FBXO48: variants seen among roughly 807,000 people sequenced by gnomAD.
FBXO48 encodes F-box only protein 48.
In FBXO48, 12 loss-of-function variants were observed where a neutral mutation model predicts 14.3. The observed-to-expected ratio is 0.84, with a 90% confidence interval of 0.54 to 1.36. The LOEUF is 1.36. Ranked by LOEUF, FBXO48 falls within the 40% of genes most tolerant of loss-of-function variation. The probability of loss-of-function intolerance (pLI) is 0.00; values close to 1 mark genes in which losing one functional copy is unlikely to be tolerated. For missense variants in FBXO48, 177 were observed against 179.1 expected (o/e 0.99, Z 0.07); for synonymous variants, 53 against 61.7 (o/e 0.86, Z 0.66).
chr2:68,464,615 GA>G (rs1458575035), intron 3 of FBXO48, among the ~76,000 whole-genome samples: 2 of 152,116 alleles, frequency 1.3e-5, no homozygotes, highest in Non-Finnish European at 2.9e-5. Context: ...GAAAATTCCC[GA>G]ATTTAGAATT....
Position 68,464,996 on chromosome 2 carries a change from C to T in FBXO48, c.150G>A (p.Leu50=), listed in dbSNP as rs371559792. The stretch of plus-strand genomic sequence containing the variant: ...AAGCCCTGCACAGACTCCGAATGTC[C>T]AGCTGACTGAAAATTTTAAAAGTGA... The part of the protein sequence containing the change: ...AEITFKIFSQ[L]DIRSLCRASL... The change falls in exon 3 of 4, where the codon CTG becomes CTA. Residue 50 remains leucine (L), a synonymous_variant. Coordinates refer to ENST00000377957, the MANE Select transcript of FBXO48 (RefSeq NM_001024680.3). 6.2e-7 allele frequency: 1 copy of T among 1,614,008 alleles called. No individual in the cohort carries two copies. The highest frequency in any genetic ancestry group is 8.5e-7 in the Non-Finnish European group (1 of 1,180,036).
chr2:68,464,989 G>A lies in FBXO48; in HGVS notation c.157C>T (p.Arg53Trp), dbSNP rs150942426. The A allele has an allele frequency of 9.9e-6, 16 of 1,613,780 alleles. No homozygotes were observed. Among genetic ancestry groups the A allele is most frequent in the Admixed American group, 1.7e-5 (1 of 60,006 alleles). The change falls in exon 3 of 4, where the codon CGG becomes TGG. Residue 53 changes from arginine to tryptophan, a missense_variant. By Grantham distance (101) the Arg-to-Trp change is moderately radical (BLOSUM62 -3). Coordinates refer to ENST00000377957, the MANE Select transcript of FBXO48 (RefSeq NM_001024680.3). ...GTCAATGAAGCCCTGCACAGACTCC[G>A]AATGTCCAGCTGACTGAAAATTTTA... is the stretch of plus-strand genomic sequence containing the variant. ...TFKIFSQLDI[R>W]SLCRASLTCR...
At position 68,463,174 on chromosome 2, in the gene FBXO48, A is replaced by G. The variant is rs1675310950; in HGVS notation, c.*1035T>C. The G allele has an allele frequency of 6.6e-6, 1 of 152,150 alleles. No individual in the cohort carries two copies. Among genetic ancestry groups the G allele is most frequent in the African/African-American group, 2.4e-5 (1 of 41,420 alleles). The allele number at this position is 152,150 out of a possible 1,614,324, so 9.4% of individuals were successfully genotyped here. A position where few individuals can be genotyped will look rare whatever the true frequency, so the allele number is the denominator to read the frequency against. ...TTCCTGGATTCTTATATTTAATGCT[A>G]TAGAGAACAGTTTTTAAGAAGAAAA... is the stretch of plus-strand genomic sequence containing the variant. On this transcript the variant is annotated 3_prime_UTR_variant, in exon 4 of 4. Transcript: ENST00000377957.
rs762821956 is a variant in FBXO48 at position 68,464,941 on chromosome 2, T to C, written c.205A>G (p.Ile69Val). Residue 69 changes from isoleucine to valine, a missense_variant, in exon 3 of 4, where the codon ATA becomes GTA. Transcript: ENST00000377957. ...SLTCRSWNDT[I>V]RNSDSLWKPH... is the part of the protein sequence containing the mutation. The stretch of plus-strand genomic sequence containing the variant: ...TTCCATAAAGAGTCACTGTTTCTTA[T>C]TGTGTCATTCCAGCTCCTGCATGTC... The C allele has an allele frequency of 2.5e-6, 4 of 1,614,040 alleles. No homozygotes were observed. The highest frequency in any genetic ancestry group is 1.6e-4 in the Middle Eastern group (1 of 6,062).
In FBXO48 at chr2:68,461,345, G is replaced by A. The variant is rs971485162; in HGVS notation, c.*2864C>T. On this transcript the variant is annotated 3_prime_UTR_variant, in exon 4 of 4. Coordinates refer to ENST00000377957, the MANE Select transcript of FBXO48 (RefSeq NM_001024680.3). The stretch of plus-strand genomic sequence containing the variant: ...CGCTCTGTCGCCCAGGCCGGACTGC[G>A]GACTGCAGTGGCGCAATCTCGGCTC... 1.4e-5 allele frequency: 2 copies of A among 142,502 alleles called. No homozygotes were observed. Among genetic ancestry groups the A allele is most frequent in the Admixed American group, 7.0e-5 (1 of 14,278 alleles). 8.8% of individuals were successfully genotyped at this position (142,502 alleles called of 1,614,324 possible). A position where few individuals can be genotyped will look rare whatever the true frequency, so the allele number is the denominator to read the frequency against.
chr2:68,464,426 T>C (rs1675344336), intron 3 of FBXO48, 56 bp from the exon 4 acceptor site: 4 of 1,536,824 alleles, frequency 2.6e-6, no homozygotes, highest in Non-Finnish European at 3.6e-6. Context: ...GGTTAGTGAA[T>C]GTGTTTAAAG....
chr2:68,467,048 G>C (rs890836924), intron 1 of FBXO48, among the ~76,000 whole-genome samples, 163 bp downstream of exon 1: 1 of 152,160 alleles, frequency 6.6e-6, no homozygotes, highest in East Asian at 1.9e-4. Context: ...GGTTGCAGCT[G>C]CTGGAACCCA....
intron 1 of FBXO48, 25 bp downstream of exon 1, chr2:68,467,186 G>C (rs1249199753): frequency 2.0e-5 from 3 of 152,278 alleles, no homozygotes; most frequent in Admixed American, 1.3e-4. Context: ...CTAAGCCAAC[G>C]GGAACGGAAG....
intron 2 of FBXO48, among the ~76,000 whole-genome samples, chr2:68,465,909 G>A (rs1675397273): frequency 6.6e-6 from 1 of 152,228 alleles, no homozygotes; most frequent in African/African-American, 2.4e-5. Flanking sequence ...TGGACAAGAA[G>A]ATGAGATCTG....
Position 68,464,226 on chromosome 2 carries a change from C to T in FBXO48, c.451G>A (p.Ala151Thr). ...TTTTCCCCTTATCTTTCCAGTTCTG[C>T]TTCTAGAATTTCCCCCCATGTATCT... is the stretch of plus-strand genomic sequence containing the variant. ...DADTWGEILE[A>T]ELER The change falls in exon 4 of 4, where the codon GCA (alanine) becomes ACA (threonine). Residue 151 changes from alanine (A) to threonine (T), a missense_variant. By Grantham distance (58) the Ala-to-Thr change is moderately conservative (BLOSUM62 0). Transcript: ENST00000377957. The T allele has an allele frequency of 6.2e-7, 1 of 1,613,622 alleles. No homozygotes were observed. Among genetic ancestry groups the T allele is most frequent in the Non-Finnish European group, 8.5e-7 (1 of 1,179,848 alleles).
chr2:68,464,814 C>T, intron 3 of FBXO48, 26 bp downstream of exon 3: 1 of 1,559,186 alleles, frequency 6.4e-7, no homozygotes, highest in Non-Finnish European at 8.8e-7. Flanking sequence ...GTCAACAACA[C>T]TGCAGATCGC....
At chr2:68,464,813 A>G (rs1558520899) in intron 3 of FBXO48, 27 bp downstream of exon 3, 4 of 1,554,156 alleles carry the variant, frequency 2.6e-6, no homozygotes, top group Non-Finnish European at 2.6e-6. Flanking sequence ...TGTCAACAAC[A>G]CTGCAGATCG....
chr2:68,463,345 G>A lies in FBXO48; in HGVS notation c.*864C>T, dbSNP rs985769985. The A allele has an allele frequency of 2.0e-5, 3 of 152,026 alleles. No individual in the cohort carries two copies. Among genetic ancestry groups the A allele is most frequent in the African/African-American group, 7.2e-5 (3 of 41,496 alleles). 9.4% of individuals were successfully genotyped at this position (152,026 alleles called of 1,614,324 possible). On this transcript the variant is annotated 3_prime_UTR_variant, in exon 4 of 4. Coordinates refer to ENST00000377957, the MANE Select transcript of FBXO48 (RefSeq NM_001024680.3). ...AAAAGTTTTTAAAAGTTAAAATAAA[G>A]GTTCCTAAAAAGTTATAAACTTTAA...
chr2:68,465,246 C>T (rs1675371861), intron 2 of FBXO48, 68 bp from the exon 3 acceptor site: 1 of 783,552 alleles, frequency 1.3e-6, no homozygotes. Flanking sequence ...AAGTCAGATG[C>T]TTTTTGGGTA....
rs1333598946 is a variant in FBXO48, at chr2:68,460,663, C to G, written c.*3546G>C. 2.6e-5 allele frequency: 4 copies of G among 152,014 alleles called. No homozygotes were observed. The highest frequency in any genetic ancestry group is 9.7e-5 in the African/African-American group (4 of 41,364). The allele number at this position is 152,014 out of a possible 1,614,324, so 9.4% of individuals were successfully genotyped here. A position where few individuals can be genotyped will look rare whatever the true frequency, so the allele number is the denominator to read the frequency against. On this transcript the variant is annotated 3_prime_UTR_variant, in exon 4 of 4. Coordinates refer to ENST00000377957, the MANE Select transcript of FBXO48 (RefSeq NM_001024680.3). The stretch of plus-strand genomic sequence containing the variant: ...CGGACATAGACGGCATTAGCACCAA[C>G]AATGGTAGCTGACATAGGAGTTGTA...
Position 68,465,004 on chromosome 2 carries a change from T to G in FBXO48, c.142A>C (p.Ser48Arg), listed in dbSNP as rs748214004. Reference protein sequence around the residue: ...LPAEITFKIFSQLDIRSLCRA... With the variant: ...LPAEITFKIFRQLDIRSLCRA... ...CACAGACTCCGAATGTCCAGCTGAC[T>G]GAAAATTTTAAAAGTGATTTCTGCA... Residue 48 changes from serine (S) to arginine (R), a missense_variant, in exon 3 of 4, where the codon AGT becomes CGT. Physicochemically the swap from Ser to Arg is moderately radical, Grantham distance 110. Transcript: ENST00000377957. 2 of 1,614,000 alleles carry G rather than the reference T, an allele frequency of 1.2e-6. No homozygotes were observed.
rs1209567664 is a variant in FBXO48 at position 68,464,897 on chromosome 2, T to TA, written c.248dup (p.Arg84LysfsTer10). 1.2e-6 allele frequency: 2 copies of TA among 1,613,846 alleles called. No homozygotes were observed. Among genetic ancestry groups the TA allele is most frequent in the Non-Finnish European group, 1.7e-6 (2 of 1,180,010 alleles). On this transcript the variant is annotated frameshift_variant, in exon 3 of 4. Transcript: ENST00000377957. LOFTEE classifies it high-confidence loss of function. ...CTATTTCTCTTCGGCACACAGCTCT[T>TA]ACAGTCATGCAGTGAGGTTTCCATA...
chr2:68,465,436 G>A (rs1215441647), intron 2 of FBXO48, among the ~76,000 whole-genome samples: 6 of 151,056 alleles, frequency 4.0e-5, no homozygotes, highest in Non-Finnish European at 8.8e-5. Context: ...ACCCAGGCTG[G>A]AGTGCAGATG....
rs1229652192 is a variant in FBXO48, at chr2:68,463,441, G to C, written c.*768C>G. ...AATATGGAGAAAACAAAAAGGAGCT[G>C]AAAGTCCTTTGTCTTGCTATCTAAG... On this transcript the variant is annotated 3_prime_UTR_variant, in exon 4 of 4. Transcript: ENST00000377957. 2.0e-5 allele frequency: 3 copies of C among 151,752 alleles called. No individual in the cohort carries two copies. The highest frequency in any genetic ancestry group is 4.8e-5 in the African/African-American group (2 of 41,246). 9.4% of individuals were successfully genotyped at this position (151,752 alleles called of 1,614,324 possible). A position where few individuals can be genotyped will look rare whatever the true frequency, so the allele number is the denominator to read the frequency against.
Sources: allele counts gnomAD v4.1 joint callset (sites outside exome capture counted in the v4.1 genomes callset), GRCh38; gene constraint gnomAD v4.1.1; transcripts MANE v1.5; gene names NCBI Gene and HGNC (gene_info 2026-07-23, HGNC 2026-07-21).